The following ATP8B4 variants were observed in gnomAD, a reference collection of about 807,000 sequenced individuals.
The protein encoded by ATP8B4 is ATPase phospholipid transporting 8B4 (putative), also known as probable phospholipid-transporting ATPase IM.
In ATP8B4, 133 loss-of-function variants were observed where a neutral mutation model predicts 145.6. The observed-to-expected ratio is 0.91, with a 90% CI of 0.79 to 1.05. The LOEUF is 1.05. Among genes scored for constraint, ATP8B4 ranks in the 50% least tolerant of loss-of-function variants. ATP8B4 has a pLI of 0.00. For missense variants in ATP8B4, 1,458 were observed against 1,425.2 expected, an observed-to-expected ratio of 1.02 and a Z score of -0.37; for synonymous variants, 507 against 492.9, an observed-to-expected ratio of 1.03 and a Z score of -0.38.
At position 49,990,792 on chromosome 15, in the gene ATP8B4, T is replaced by C. The variant is rs77962970; in HGVS notation, c.590-3243A>G. On this transcript the variant is annotated intron_variant, in intron 9 of 27. Transcript: ENST00000284509. The stretch of plus-strand genomic sequence containing the variant: ...AATAGAAATAGTTCTTGATTATCTG[T>C]ACTGCAACTCTTCCATAAGACAAAT... 2.6e-3 allele frequency among the ~76,000 whole-genome samples: 396 copies of C among 152,332 alleles called. 2 individuals carry two copies. Among genetic ancestry groups the C allele is most frequent in the Middle Eastern group, 0.01 (3 of 294 alleles).
intron 27 of ATP8B4, among the ~76,000 whole-genome samples, chr15:49,861,342 C>T (rs1027479308): frequency 6.6e-5 from 10 of 151,734 alleles, no homozygotes; most frequent in Non-Finnish European, 8.8e-5. Flanking sequence ...CGAATTTTTC[C>T]GGAAGGAATC....
chr15:49,928,752 G>C (rs2040971207), intron 16 of ATP8B4, among the ~76,000 whole-genome samples: 1 of 152,032 alleles, frequency 6.6e-6, no homozygotes. Flanking sequence ...GGGTTTATGA[G>C]GCCATTTTAA....
At chr15:50,100,202 G>A (rs2056264048) in intron 2 of ATP8B4, among the ~76,000 whole-genome samples, 2 of 152,124 alleles carry the variant, frequency 1.3e-5, no homozygotes, top group Non-Finnish European at 2.9e-5. Flanking sequence ...TTGTGAAAGT[G>A]CATAGAAATG....
intron 7 of ATP8B4, among the ~76,000 whole-genome samples, 168 bp downstream of exon 7, chr15:50,010,677 T>C (rs2048662082): frequency 6.6e-6 from 1 of 152,122 alleles, no homozygotes; most frequent in Non-Finnish European, 1.5e-5. Flanking sequence ...TTGAAACTAA[T>C]AAATCAACGT....
chr15:49,989,324 G>A (rs1453941810), intron 9 of ATP8B4, among the ~76,000 whole-genome samples: 1 of 151,792 alleles, frequency 6.6e-6, no homozygotes, highest in Admixed American at 6.6e-5. Context: ...GCTATCACCA[G>A]CAAAATCTAC....
intron 1 of ATP8B4, among the ~76,000 whole-genome samples, chr15:50,114,130 A>ATTTTTTTTTTTTTTTTTTC (rs1595606713): frequency 2.8e-5 from 2 of 72,010 alleles, no homozygotes; most frequent in African/African-American, 1.1e-4. Context: ...TTTTTTTTTA[A>ATTTTTTTTTTTTTTTTTTC]TTTTCATAGA....
intron 25 of ATP8B4, among the ~76,000 whole-genome samples, chr15:49,875,017 T>C (rs925640614): frequency 2.0e-5 from 3 of 152,130 alleles, no homozygotes; most frequent in Middle Eastern, 3.4e-3. Flanking sequence ...AACAGCAGGC[T>C]TTTTCTAAAA....
At chr15:50,113,550 T>G (rs1361666203) in intron 1 of ATP8B4, among the ~76,000 whole-genome samples, 1 of 151,918 alleles carries the variant, frequency 6.6e-6, no homozygotes, top group Admixed American at 6.6e-5. Flanking sequence ...AAAAGCCAAA[T>G]TTATAAGGCC....
intron 6 of ATP8B4, among the ~76,000 whole-genome samples, chr15:50,033,036 A>T (rs562067798): frequency 6.6e-6 from 1 of 152,352 alleles, no homozygotes; most frequent in Admixed American, 6.5e-5. Context: ...AAGTTGATTG[A>T]ACAAGTTGTT....
intron 1 of ATP8B4, among the ~76,000 whole-genome samples, chr15:50,165,408 G>GT (rs1016146408): frequency 6.6e-5 from 10 of 152,056 alleles, no homozygotes; most frequent in East Asian, 1.9e-4. Flanking sequence ...CACTCACCTG[G>GT]TTTTTTTGTT....
chr15:49,920,273 T>C lies in ATP8B4; in HGVS notation c.1896A>G (p.Leu632=). Residue 632 remains leucine, a synonymous_variant, in exon 18 of 28, where the codon CTA becomes CTG. Transcript: ENST00000284509. ...TCAAATCTCTTTCAATTTCTTCATA[T>C]AGCCCAGCTATTCGTTCATCCCTCT... ...TEERDERIAG[L]YEEIERDLML... The C allele has an allele frequency of 8.1e-6, 13 of 1,614,204 alleles. No homozygotes were observed. Among genetic ancestry groups the C allele is most frequent in the Non-Finnish European group, 1.0e-5 (12 of 1,180,026 alleles).
chr15:50,157,895 C>T (rs1190879213), intron 1 of ATP8B4, among the ~76,000 whole-genome samples: 1 of 152,204 alleles, frequency 6.6e-6, no homozygotes, highest in Non-Finnish European at 1.5e-5. Flanking sequence ...CCTGCGATTG[C>T]AGGCGCGTGC....
chr15:50,021,118 TGATA>T (rs113258750), intron 6 of ATP8B4, among the ~76,000 whole-genome samples: 34,632 of 146,676 alleles, frequency 0.24, 4,148 homozygotes, highest in South Asian at 0.32. Flanking sequence ...ATGGTGATTA[TGATA>T]GATAGATAGA....
intron 1 of ATP8B4, among the ~76,000 whole-genome samples, chr15:50,166,523 T>C (rs998219678): frequency 2.6e-5 from 4 of 152,208 alleles, no homozygotes; most frequent in African/African-American, 9.7e-5. Context: ...ATAGTGACGA[T>C]GTTTTGAATA....
intron 14 of ATP8B4, among the ~76,000 whole-genome samples, chr15:49,937,797 A>G (rs1296609685): frequency 6.6e-6 from 1 of 152,214 alleles, no homozygotes; most frequent in Non-Finnish European, 1.5e-5. Flanking sequence ...TATATCAGCC[A>G]TTCATTGATT....
At chr15:49,941,767 T>C (rs147833339) in intron 14 of ATP8B4, among the ~76,000 whole-genome samples, 2,604 of 152,200 alleles carry the variant, frequency 0.017, 48 homozygotes, top group Non-Finnish European at 0.026. Context: ...CAATGCACAA[T>C]TGCAAAGATA....
At chr15:49,912,072 CA>C (rs1341944221) in intron 20 of ATP8B4, among the ~76,000 whole-genome samples, 1 of 151,588 alleles carries the variant, frequency 6.6e-6, no homozygotes, top group African/African-American at 2.4e-5. Flanking sequence ...ATGCCTACAT[CA>C]AAAAAGTAAA....
chr15:49,898,326 T>C (rs1420546571), intron 21 of ATP8B4, 75 bp from the exon 22 acceptor site: 3 of 1,440,744 alleles, frequency 2.1e-6, no homozygotes, highest in Non-Finnish European at 1.9e-6. Context: ...ACAAATGTTT[T>C]GTTTGCTAAA....
At position 49,879,391 on chromosome 15, in the gene ATP8B4, C is replaced by T. The variant is rs868270455; in HGVS notation, c.2766G>A (p.Met922Ile). 1.2e-6 allele frequency: 2 copies of T among 1,611,612 alleles called. No homozygotes were observed. The highest frequency in any genetic ancestry group is 1.7e-6 in the Non-Finnish European group (2 of 1,178,774). Residue 922 changes from methionine to isoleucine, a missense_variant, in exon 24 of 28, where the codon ATG (methionine) becomes ATA (isoleucine). Transcript: ENST00000284509. ...IVYTSLPVLA[M>I]GIFDQDVSDQ... is the part of the protein sequence containing the mutation. ...AAAAACATACCTGGTCAAAAATCCCCATGGCTAAAACAGGCAGTGATGTGT... is the reference window on the plus strand; with the variant it reads ...AAAAACATACCTGGTCAAAAATCCCTATGGCTAAAACAGGCAGTGATGTGT...
Sources: allele counts gnomAD v4.1 joint callset (sites outside exome capture counted in the v4.1 genomes callset), GRCh38; gene constraint gnomAD v4.1.1; transcripts MANE v1.5; gene names NCBI Gene and HGNC (gene_info 2026-07-23, HGNC 2026-07-21).